C1QTNF3: variants seen among roughly 807,000 people sequenced by gnomAD.
C1QTNF3 encodes C1q and TNF related 3, also known as complement C1q tumor necrosis factor-related protein 3.
In C1QTNF3, 26 loss-of-function variants were observed where a neutral mutation model predicts 32.6. The ratio of observed to expected loss-of-function variants is 0.80; its 90% confidence interval spans 0.58 to 1.11. The LOEUF is 1.11. Ranked by LOEUF, C1QTNF3 falls within the 50% of genes least tolerant of loss-of-function variation. The pLI is 0.00. For synonymous variants in C1QTNF3, 155 were observed against 146.0 expected, an observed-to-expected ratio of 1.06 and a Z score of -0.44; for missense variants, 362 against 398.2, an observed-to-expected ratio of 0.91 and a Z score of 0.77.
intron 4 of C1QTNF3, 39 bp from the exon 5 acceptor site, chr5:34,024,047 T>C: frequency 6.6e-7 from 1 of 1,522,934 alleles, no homozygotes; most frequent in Non-Finnish European, 9.1e-7. Flanking sequence ...GATATTAACA[T>C]GTTATACATT....
At chr5:34,060,432 A>T in the C1QTNF3 span, among the ~76,000 whole-genome samples, 1 of 152,240 alleles carries the variant, frequency 6.6e-6, no homozygotes, top group African/African-American at 2.4e-5. Context: ...GTATCTAAAC[A>T]TATAGAAACA....
chr5:34,034,895 G>GA (rs1754697997), intron 2 of C1QTNF3, among the ~76,000 whole-genome samples: 4 of 151,832 alleles, frequency 2.6e-5, no homozygotes, highest in Admixed American at 6.6e-5. Flanking sequence ...CTCAAAAGTA[G>GA]AAAAAAAATT....
the C1QTNF3 span, among the ~76,000 whole-genome samples, chr5:34,230,734 T>C: frequency 4.6e-5 from 7 of 152,292 alleles, no homozygotes; most frequent in Non-Finnish European, 1.0e-4. Context: ...GTAATGACTG[T>C]AGTGGACAGA....
the C1QTNF3 span, among the ~76,000 whole-genome samples, chr5:34,194,988 A>G: frequency 6.6e-6 from 1 of 151,992 alleles, no homozygotes; most frequent in Non-Finnish European, 1.5e-5. Flanking sequence ...AATATTTCCA[A>G]TCCTTGGTTG....
At chr5:34,063,075 T>C in the C1QTNF3 span, among the ~76,000 whole-genome samples, 6 of 152,188 alleles carry the variant, frequency 3.9e-5, no homozygotes, top group African/African-American at 1.4e-4. Flanking sequence ...GCTAAGCCCT[T>C]GTTTACACTG....
the C1QTNF3 span, among the ~76,000 whole-genome samples, chr5:34,221,920 C>A: frequency 1.3e-5 from 2 of 151,962 alleles, no homozygotes; most frequent in Non-Finnish European, 2.9e-5. Context: ...CCATGCCCAG[C>A]AATAGAGCAT....
the C1QTNF3 span, among the ~76,000 whole-genome samples, chr5:34,207,227 GCA>G: frequency 6.6e-6 from 1 of 151,700 alleles, no homozygotes; most frequent in African/African-American, 2.4e-5. Context: ...AATAAGAGAT[GCA>G]CAGTCAATTC....
At chr5:34,226,764 GT>G in the C1QTNF3 span, among the ~76,000 whole-genome samples, 1 of 150,496 alleles carries the variant, frequency 6.6e-6, no homozygotes, top group African/African-American at 2.4e-5. Context: ...TTCGTATGCT[GT>G]ATGTATTTTA....
chr5:34,195,496 T>C, the C1QTNF3 span, among the ~76,000 whole-genome samples: 1 of 151,680 alleles, frequency 6.6e-6, no homozygotes, highest in African/African-American at 2.4e-5. Flanking sequence ...ACAAGTGTAA[T>C]ATATCAGCCT....
the C1QTNF3 span, among the ~76,000 whole-genome samples, chr5:34,111,712 T>C: frequency 1.3e-5 from 2 of 152,138 alleles, no homozygotes; most frequent in African/African-American, 4.8e-5. Context: ...AGGAACTCTA[T>C]GCTCCATGAA....
the C1QTNF3 span, among the ~76,000 whole-genome samples, chr5:34,164,049 T>A: frequency 2.6e-5 from 4 of 152,160 alleles, no homozygotes; most frequent in African/African-American, 9.6e-5. Context: ...CTGCCTATAT[T>A]ACAAAAGGGA....
At chr5:34,049,221 T>C in the C1QTNF3 span, among the ~76,000 whole-genome samples, 52 of 152,306 alleles carry the variant, frequency 3.4e-4, no homozygotes, top group African/African-American at 1.2e-3. Context: ...ATTAGCCTCA[T>C]TGTACCCTGG....
the C1QTNF3 span, among the ~76,000 whole-genome samples, chr5:34,117,036 T>C: frequency 6.6e-6 from 1 of 152,162 alleles, no homozygotes. Context: ...TGGATATTGA[T>C]TTTATTCATT....
At chr5:34,049,847 T>C in the C1QTNF3 span, among the ~76,000 whole-genome samples, 1 of 152,226 alleles carries the variant, frequency 6.6e-6, no homozygotes, top group African/African-American at 2.4e-5. Flanking sequence ...CTTCAGCTGA[T>C]TGGATGAAGC....
At chr5:34,210,891 A>G in the C1QTNF3 span, among the ~76,000 whole-genome samples, 42,422 of 151,870 alleles carry the variant, frequency 0.28, 6,374 homozygotes, top group East Asian at 0.54. Flanking sequence ...CATTTTTTGC[A>G]TTTTTTAATT....
chr5:34,031,387 G>T (rs1754609930), intron 3 of C1QTNF3, among the ~76,000 whole-genome samples: 1 of 152,118 alleles, frequency 6.6e-6, no homozygotes, highest in African/African-American at 2.4e-5. Context: ...CCTTCTCCGT[G>T]GTTTACCATT....
the C1QTNF3 span, among the ~76,000 whole-genome samples, chr5:34,244,080 T>C: frequency 6.8e-6 from 1 of 147,996 alleles, no homozygotes; most frequent in African/African-American, 2.4e-5. Flanking sequence ...GTTTCTCACC[T>C]AATTCATAGT....
chr5:34,228,814 A>G, the C1QTNF3 span, among the ~76,000 whole-genome samples: 1 of 151,764 alleles, frequency 6.6e-6, no homozygotes, highest in Non-Finnish European at 1.5e-5. Flanking sequence ...TTACCTATAA[A>G]GCTACTATTC....
At chr5:34,158,086 T>C in the C1QTNF3 span, 1 of 151,332 alleles carries the variant, frequency 6.6e-6, no homozygotes, top group Non-Finnish European at 1.5e-5. Context: ...GCATACTAAA[T>C]CTGGGCAAAG....
Sources: allele counts gnomAD v4.1 joint callset (sites outside exome capture counted in the v4.1 genomes callset), GRCh38; gene constraint gnomAD v4.1.1; transcripts MANE v1.5; gene names NCBI Gene and HGNC (gene_info 2026-07-23, HGNC 2026-07-21).